The following SLC49A3 variants were observed in gnomAD, a reference collection of about 807,000 sequenced individuals.
SLC49A3 encodes solute carrier family 49 member A3.
Under a neutral mutation model 43.8 loss-of-function variants are expected in SLC49A3, and 50 were observed. That is an observed-to-expected ratio of 1.14 (90% confidence interval 0.91 to 1.45). The LOEUF (loss-of-function observed/expected upper bound fraction) is 1.45. SLC49A3 is among the 40% of genes most tolerant of loss of function. The pLI is 0.00. For missense variants in SLC49A3, 906 were observed against 774.1 expected, an observed-to-expected ratio of 1.17 and a Z score of -2.02; for synonymous variants, 413 against 352.0, an observed-to-expected ratio of 1.17 and a Z score of -1.94.
At chr4:681,260 C>T (rs1337988588), downstream of SLC49A3, 7 of 1,241,042 alleles carry the variant, frequency 5.6e-6, no homozygotes, top group Non-Finnish European at 6.8e-6. Context: ...CAGGACAGAA[C>T]AGGCCCCCGG....
At position 684,699 on chromosome 4, in the gene SLC49A3, G is replaced by A. The variant is rs199712173; in HGVS notation, c.723+20C>T. On this transcript the variant is annotated intron_variant, in intron 5 of 9. Coordinates refer to ENST00000322224, the MANE Select transcript of SLC49A3 (RefSeq NM_032219.4). ...CCCACCCCCAAATCCACCCTACCCC[G>A]GGGATCCCACGGCACTGACCAGCTT... The A allele has an allele frequency of 2.6e-4, 418 of 1,606,724 alleles. No individual in the cohort carries two copies. The highest frequency in any genetic ancestry group is 1.4e-3 in the Admixed American group (81 of 58,580).
intron 1 of SLC49A3, chr4:687,376 G>A (rs1162629724): frequency 6.6e-6 from 1 of 152,384 alleles, no homozygotes; most frequent in Non-Finnish European, 1.5e-5. Context: ...GGACACAGCA[G>A]CCAGACCCAG....
At chr4:678,715 T>C, downstream of SLC49A3, 1 of 1,612,280 alleles carries the variant, frequency 6.2e-7, no homozygotes, top group Non-Finnish European at 8.5e-7. Flanking sequence ...GAGAGCCTCA[T>C]CCAATGTCTT....
At position 685,987 on chromosome 4, in the gene SLC49A3, G is replaced by C. The variant is rs541396801; in HGVS notation, c.509-76C>G. ...CGCCAGCCCACAGGCAGAACCTTCC[G>C]GGCCCCAGCTCCTCCACCCTGGCCA... On this transcript the variant is annotated intron_variant, in intron 3 of 9. Transcript: ENST00000322224. The surrounding 1 kb of genome is among the most constrained non-coding windows in gnomAD (Gnocchi z 4.3). 3.1e-6 allele frequency: 5 copies of C among 1,608,554 alleles called. No homozygotes were observed. Among genetic ancestry groups the C allele is most frequent in the Non-Finnish European group, 4.2e-6 (5 of 1,177,470 alleles).
chr4:691,312 G>A (rs2109478939), upstream of SLC49A3, among the ~76,000 whole-genome samples: 1 of 139,186 alleles, frequency 7.2e-6, no homozygotes, highest in African/African-American at 2.7e-5. Context: ...TACAAACCAT[G>A]GCTGGGCGAG....
downstream of SLC49A3, chr4:679,020 C>T (rs1217493489): frequency 5.0e-6 from 8 of 1,613,578 alleles, no homozygotes; most frequent in Admixed American, 1.7e-5. Flanking sequence ...TGAAGGACAC[C>T]TATGCCTCCC....
chr4:686,403 A>G, intron 2 of SLC49A3, 101 bp from the exon 3 acceptor site: 1 of 1,569,824 alleles, frequency 6.4e-7, no homozygotes, highest in East Asian at 2.2e-5. Flanking sequence ...CGCCACCTCG[A>G]CGGCTCTGCC....
Position 683,380 on chromosome 4 carries a change from G to C in SLC49A3, c.994-13C>G, listed in dbSNP as rs761227502. On this transcript the variant is annotated splice_polypyrimidine_tract_variant and intron_variant, in intron 7 of 9. Coordinates refer to ENST00000322224, the MANE Select transcript of SLC49A3 (RefSeq NM_032219.4). ...GCAGCTGGGACACCTGGGAGCAGCG[G>C]AACGGCAGGCAGACAGGTGGAGGGG... The C allele has an allele frequency of 3.1e-6, 5 of 1,604,384 alleles. No homozygotes were observed. In the African/African-American group the frequency reaches 5.4e-5, roughly 17 times the overall value.
At chr4:680,804 C>T, downstream of SLC49A3, 1 of 640,818 alleles carries the variant, frequency 1.6e-6, no homozygotes, top group Non-Finnish European at 2.7e-6. Flanking sequence ...GGTGGGGCGG[C>T]TTCCCCTCAG....
At chr4:680,705 C>G (rs909674256), downstream of SLC49A3, 14 of 1,066,104 alleles carry the variant, frequency 1.3e-5, no homozygotes, top group Non-Finnish European at 1.9e-5. Context: ...CTCTGACCAG[C>G]TTCAGGGCCA....
chr4:681,396 A>T (rs1169439068), downstream of SLC49A3, among the ~76,000 whole-genome samples: 3 of 151,486 alleles, frequency 2.0e-5, no homozygotes, highest in East Asian at 3.9e-4. Flanking sequence ...CGTCTGTCCC[A>T]GCCGGAGGGG....
chr4:679,412 CAG>C (rs1457737987), downstream of SLC49A3, among the ~76,000 whole-genome samples: 1 of 152,198 alleles, frequency 6.6e-6, no homozygotes, highest in Non-Finnish European at 1.5e-5. Flanking sequence ...ACAGAGCTGA[CAG>C]AGGGCGTGGA....
At chr4:690,808 G>A (rs1741821490), upstream of SLC49A3, among the ~76,000 whole-genome samples, 1 of 152,250 alleles carries the variant, frequency 6.6e-6, no homozygotes, top group African/African-American at 2.4e-5. Context: ...CGGAACTCTT[G>A]GGTTGAGCAG....
chr4:682,706 C>G (rs1201029857), intron 9 of SLC49A3, 75 bp downstream of exon 9: 2 of 1,264,680 alleles, frequency 1.6e-6, no homozygotes, highest in Non-Finnish European at 2.2e-6. Context: ...TAGGGTTCAC[C>G]TGTCCCGCTC....
chr4:680,627 A>G, downstream of SLC49A3: 1 of 1,594,852 alleles, frequency 6.3e-7, no homozygotes, highest in South Asian at 1.1e-5. Flanking sequence ...GCTTCCGGGG[A>G]ACCCCAGTGA....
At chr4:691,025 G>A (rs1428068382), upstream of SLC49A3, among the ~76,000 whole-genome samples, 2 of 152,196 alleles carry the variant, frequency 1.3e-5, no homozygotes, top group Admixed American at 6.5e-5. Context: ...GGTGGCTCAC[G>A]CCTGTAATCC....
intron 1 of SLC49A3, among the ~76,000 whole-genome samples, chr4:688,339 C>A (rs530238088): frequency 6.6e-6 from 1 of 152,310 alleles, no homozygotes; most frequent in South Asian, 2.1e-4. Context: ...CTGACCCAGG[C>A]CTGAGAGTGA....
downstream of SLC49A3, chr4:680,662 G>C: frequency 6.7e-7 from 1 of 1,488,414 alleles, no homozygotes; most frequent in Admixed American, 1.9e-5. Flanking sequence ...AAAAGGGACA[G>C]TCAGCCACCA....
chr4:680,070 G>C, downstream of SLC49A3: 1 of 1,428,074 alleles, frequency 7.0e-7, no homozygotes. Flanking sequence ...CTAACAGTTA[G>C]AGATCCGGAC....
Sources: allele counts gnomAD v4.1 joint callset (sites outside exome capture counted in the v4.1 genomes callset), GRCh38; gene constraint gnomAD v4.1.1; non-coding constraint Gnocchi (gnomAD v3.1); transcripts MANE v1.5; gene names NCBI Gene and HGNC (gene_info 2026-07-23, HGNC 2026-07-21).